Variants in TYW1 observed in about 807,000 individuals in gnomAD.
TYW1 encodes tRNA-yW synthesizing protein 1 homolog.
TYW1 carries 46 observed loss-of-function variants against 96.2 expected under a neutral mutation model. The observed-to-expected ratio is 0.48, with a 90% CI of 0.38 to 0.61. TYW1 has a LOEUF of 0.61. Among genes scored for constraint, TYW1 ranks in the 20% least tolerant of loss-of-function variants. The pLI is 0.00. For missense variants in TYW1, 684 were observed against 909.6 expected, an observed-to-expected ratio of 0.75 and a Z score of 3.19; for synonymous variants, 274 against 323.0, an observed-to-expected ratio of 0.85 and a Z score of 1.63.
intron 7 of TYW1, among the ~76,000 whole-genome samples, chr7:67,044,290 G>A (rs902329313): frequency 2.0e-5 from 3 of 151,872 alleles, no homozygotes; most frequent in African/African-American, 7.3e-5. Flanking sequence ...GAAGAGATGG[G>A]TTTCATCATG....
intron 6 of TYW1, among the ~76,000 whole-genome samples, chr7:67,019,660 T>A (rs1475738453): frequency 1.3e-5 from 2 of 152,234 alleles, no homozygotes; most frequent in South Asian, 2.1e-4. Flanking sequence ...ATTTAAAGAG[T>A]TTATTTGAGC....
intron 15 of TYW1, among the ~76,000 whole-genome samples, chr7:67,212,663 G>GTTTTTTTGTT (rs1380825433): frequency 9.6e-6 from 1 of 103,688 alleles, no homozygotes; most frequent in East Asian, 2.6e-4. Flanking sequence ...GTATATCACG[G>GTTTTTTTGTT]TTTTTTTGTT....
chr7:67,072,915 G>T (rs970804638), intron 10 of TYW1, among the ~76,000 whole-genome samples: 1 of 133,434 alleles, frequency 7.5e-6, no homozygotes, highest in Admixed American at 7.8e-5. Flanking sequence ...CTACAGGCTT[G>T]TGCCACAATG....
chr7:67,065,821 A>G (rs2115661962), intron 9 of TYW1, among the ~76,000 whole-genome samples: 1 of 151,928 alleles, frequency 6.6e-6, no homozygotes, highest in South Asian at 2.1e-4. Flanking sequence ...GACCAGCCTG[A>G]CCAATATGGT....
intron 11 of TYW1, among the ~76,000 whole-genome samples, chr7:67,090,718 G>A (rs1170870274): frequency 1.3e-5 from 2 of 152,208 alleles, no homozygotes; most frequent in Admixed American, 6.5e-5. Flanking sequence ...GTGTGTGTGA[G>A]TGTCAGATAA....
intron 15 of TYW1, among the ~76,000 whole-genome samples, chr7:67,218,424 A>G (rs1207268419): frequency 6.6e-6 from 1 of 151,634 alleles, no homozygotes; most frequent in African/African-American, 2.4e-5. Flanking sequence ...CATGGTCTCA[A>G]CTTGGTGCTA....
At chr7:67,065,681 TTCATGGTC>T (rs1427879567) in intron 9 of TYW1, among the ~76,000 whole-genome samples, 2 of 152,154 alleles carry the variant, frequency 1.3e-5, no homozygotes, top group African/African-American at 4.8e-5. Context: ...GTTAAAAGGC[TTCATGGTC>T]AACTGACAGT....
intron 14 of TYW1, among the ~76,000 whole-genome samples, chr7:67,184,499 C>T (rs933957810): frequency 2.0e-5 from 3 of 151,594 alleles, no homozygotes; most frequent in African/African-American, 7.3e-5. Flanking sequence ...GGATAGATTC[C>T]GATGAGTGTA....
chr7:67,207,037 A>G (rs965682336), intron 15 of TYW1, among the ~76,000 whole-genome samples: 2 of 152,148 alleles, frequency 1.3e-5, no homozygotes, highest in African/African-American at 4.8e-5. Context: ...TTCTTTGGCC[A>G]GAAACGCCCT....
chr7:67,072,845 G>T (rs1336681631), intron 10 of TYW1, among the ~76,000 whole-genome samples: 1 of 151,032 alleles, frequency 6.6e-6, no homozygotes, highest in African/African-American at 2.4e-5. Flanking sequence ...ATAGCTCACT[G>T]GTACCTTGAA....
At chr7:67,158,391 T>C (rs1483786246) in intron 13 of TYW1, among the ~76,000 whole-genome samples, 1 of 152,054 alleles carries the variant, frequency 6.6e-6, no homozygotes, top group African/African-American at 2.4e-5. Context: ...CCTGGCCTGC[T>C]AAGGATTTTA....
intron 13 of TYW1, among the ~76,000 whole-genome samples, chr7:67,179,840 A>G (rs1316264187): frequency 1.5e-5 from 2 of 133,736 alleles, no homozygotes; most frequent in Admixed American, 7.7e-5. Context: ...TAATTTAATC[A>G]TTAGGAATAT....
intron 15 of TYW1, among the ~76,000 whole-genome samples, chr7:67,204,577 CCTTCTTT>C (rs1800717066): frequency 7.1e-6 from 1 of 140,096 alleles, no homozygotes; most frequent in Admixed American, 7.7e-5. Flanking sequence ...CTTCCTTCTT[CCTTCTTT>C]CTTCTTCTTC....
At chr7:67,218,409 A>G (rs1801271730) in intron 15 of TYW1, among the ~76,000 whole-genome samples, 1 of 150,824 alleles carries the variant, frequency 6.6e-6, no homozygotes, top group South Asian at 2.1e-4. Context: ...GCTCTAGTGC[A>G]GTGGCATGGT....
At chr7:67,135,777 C>T (rs1229905112) in intron 13 of TYW1, among the ~76,000 whole-genome samples, 5 of 152,166 alleles carry the variant, frequency 3.3e-5, no homozygotes, top group Admixed American at 1.3e-4. Flanking sequence ...TTGTGTCTGA[C>T]CTGGAAAGCC....
chr7:67,216,015 ATC>A (rs1801188569), intron 15 of TYW1, among the ~76,000 whole-genome samples: 1 of 82,206 alleles, frequency 1.2e-5, no homozygotes, highest in African/African-American at 5.9e-5. Flanking sequence ...CTTCAGTACA[ATC>A]AAAGTTGACA....
At chr7:67,015,363 A>AT (rs377364967) in intron 5 of TYW1, among the ~76,000 whole-genome samples, 4 of 151,632 alleles carry the variant, frequency 2.6e-5, no homozygotes, top group Non-Finnish European at 5.9e-5. Flanking sequence ...AATTATGTTT[A>AT]TTTTTTCAGG....
At position 67,072,963 on chromosome 7, in the gene TYW1, T is replaced by TTTTTTTG. The variant is rs1219374462; in HGVS notation, c.1274+5561_1274+5562insTTTTTGT. 4.2e-4 allele frequency among the ~76,000 whole-genome samples: 50 copies of TTTTTTTG among 118,680 alleles called. 5 individuals are homozygous for TTTTTTTG. The highest frequency in any genetic ancestry group is 1.1e-3 in the African/African-American group (31 of 29,020). 77.9% of individuals were successfully genotyped at this position (118,680 alleles called of 152,430 possible). ...TTTTTTTTTTTTTTTTTTTTTTTTT[T>TTTTTTTG]TATAGAGACAGGGTCTTGCTATGTT... On this transcript the variant is annotated intron_variant, in intron 10 of 15. Coordinates refer to ENST00000359626, the MANE Select transcript of TYW1 (RefSeq NM_018264.4).
chr7:67,010,767 G>T (rs922573428), intron 4 of TYW1, among the ~76,000 whole-genome samples: 3 of 152,024 alleles, frequency 2.0e-5, no homozygotes, highest in Admixed American at 6.6e-5. Flanking sequence ...GAGTCACCGC[G>T]CCTGGCCAAA....
Sources: allele counts gnomAD v4.1 joint callset (sites outside exome capture counted in the v4.1 genomes callset), GRCh38; gene constraint gnomAD v4.1.1; transcripts MANE v1.5; gene names NCBI Gene and HGNC (gene_info 2026-07-23, HGNC 2026-07-21).